The following GPC1 variants were observed in gnomAD, a reference collection of about 807,000 sequenced individuals.
GPC1 encodes the protein glypican-1.
In GPC1, 26 loss-of-function variants were observed where a neutral mutation model predicts 51.5. That is an observed-to-expected ratio of 0.50 (90% CI 0.37 to 0.70). The LOEUF (loss-of-function observed/expected upper bound fraction) is 0.70, where lower values mean the gene tolerates loss of function less well. Among genes scored for constraint, GPC1 ranks in the 30% least tolerant of loss-of-function variants. The probability of loss-of-function intolerance (pLI) is 0.00; values close to 1 mark genes in which losing one functional copy is unlikely to be tolerated. For synonymous variants in GPC1, 380 were observed against 348.3 expected (o/e 1.09, Z -1.01); for missense variants, 775 against 800.5 (o/e 0.97, Z 0.38).
chr2:240,437,387 C>T (rs567069215), intron 1 of GPC1, among the ~76,000 whole-genome samples: 8 of 151,752 alleles, frequency 5.3e-5, no homozygotes, highest in Middle Eastern at 3.2e-3. Context: ...TAAGGGCCCC[C>T]TGACCGCCCC....
At chr2:240,462,654 C>T in intron 3 of GPC1, 72 bp downstream of exon 3, 2 of 1,372,038 alleles carry the variant, frequency 1.5e-6, no homozygotes, top group Non-Finnish European at 2.0e-6. Context: ...ACTTCCTCTT[C>T]CCCCTACTTT....
At chr2:240,456,240 G>A (rs886513030) in intron 1 of GPC1, among the ~76,000 whole-genome samples, 63 of 152,138 alleles carry the variant, frequency 4.1e-4, no homozygotes, top group Non-Finnish European at 6.5e-4. Context: ...ACCTGCAGGT[G>A]GGGGGAGCTC....
At chr2:240,455,220 C>T (rs922664558) in intron 1 of GPC1, among the ~76,000 whole-genome samples, 2 of 152,146 alleles carry the variant, frequency 1.3e-5, no homozygotes, top group Admixed American at 1.3e-4. Flanking sequence ...ATGAATCTGC[C>T]ATTAAACAAA....
Position 240,465,625 on chromosome 2 carries a change from A to G in GPC1, c.1421A>G (p.Asn474Ser). The G allele has an allele frequency of 6.2e-7, 1 of 1,612,918 alleles. No individual in the cohort carries two copies. The highest frequency in any genetic ancestry group is 1.1e-5 in the South Asian group (1 of 91,086). ...CGGCTGCGCAGCGCCTACAACGGCA[A>G]CGACGTGGACTTCCAGGACGCCAGT... ...TNRLRSAYNG[N>S]DVDFQDASDD... The change falls in exon 8 of 9, where the codon AAC becomes AGC. Residue 474 changes from asparagine (N) to serine (S), a missense_variant. Physicochemically the swap from Asn to Ser is conservative, Grantham distance 46 (BLOSUM62 1). Coordinates refer to ENST00000264039, the MANE Select transcript of GPC1 (RefSeq NM_002081.3).
chr2:240,444,581 C>T (rs954098105), intron 1 of GPC1, among the ~76,000 whole-genome samples: 33 of 152,362 alleles, frequency 2.2e-4, no homozygotes, highest in African/African-American at 6.7e-4. Context: ...GGGGTGCTTC[C>T]TGGGTGCGCC....
At chr2:240,463,885 G>A (rs1373319255) in intron 4 of GPC1, 1 of 284,870 alleles carries the variant, frequency 3.5e-6, no homozygotes, top group African/African-American at 2.2e-5. Flanking sequence ...ATGCGAACTG[G>A]CGTGCTCACT....
intron 8 of GPC1, 75 bp downstream of exon 8, chr2:240,465,723 G>C (rs1266257807): frequency 5.4e-6 from 7 of 1,298,504 alleles, no homozygotes; most frequent in Admixed American, 1.9e-5. Flanking sequence ...ACTGCCCTCC[G>C]GGTTCCCCCA....
At position 240,438,820 on chromosome 2, in the gene GPC1, T is replaced by A. The variant is rs546533288; in HGVS notation, c.166+2736T>A. ...CCAGGCCAGGCTGCAGTGACAGCAG[T>A]GGTCATCCCATTTTATGGGCAAGGA... On this transcript the variant is annotated intron_variant, in intron 1 of 8. Transcript: ENST00000264039. Among the ~76,000 whole-genome samples, 240 of 152,304 alleles carry A rather than the reference T, an allele frequency of 1.6e-3. 2 individuals are homozygous for A. The highest frequency in any genetic ancestry group is 5.6e-3 in the African/African-American group (232 of 41,560).
chr2:240,446,253 G>A (rs1026719045), intron 1 of GPC1, among the ~76,000 whole-genome samples: 7 of 152,172 alleles, frequency 4.6e-5, no homozygotes, highest in East Asian at 1.9e-4. Flanking sequence ...TCTGCCTGCC[G>A]TGCGAGTGAG....
intron 1 of GPC1, chr2:240,456,853 GTCT>G (rs2074169482): frequency 3.2e-6 from 1 of 308,992 alleles, no homozygotes; most frequent in South Asian, 2.6e-5. Context: ...CTGTGTCCCA[GTCT>G]TCTTGCCTGA....
chr2:240,464,778 G>T (rs750655387), intron 5 of GPC1, 32 bp downstream of exon 5: 1 of 1,586,458 alleles, frequency 6.3e-7, no homozygotes, highest in East Asian at 2.3e-5. Context: ...GAGCACAGCG[G>T]GGTGGGGGTC....
intron 2 of GPC1, among the ~76,000 whole-genome samples, chr2:240,460,079 C>G (rs755466051): frequency 2.6e-5 from 4 of 152,074 alleles, no homozygotes; most frequent in Non-Finnish European, 5.9e-5. Flanking sequence ...TCTCCGGCTC[C>G]TGGACACCTG....
intron 1 of GPC1, among the ~76,000 whole-genome samples, chr2:240,440,922 C>G (rs1343295961): frequency 6.6e-6 from 1 of 152,252 alleles, no homozygotes; most frequent in East Asian, 1.9e-4. Context: ...GAGGGCTGTT[C>G]CCAGCGTGTG....
rs779509049 is a variant in GPC1 at position 240,466,336 on chromosome 2, A to G, written c.*46A>G. On this transcript the variant is annotated 3_prime_UTR_variant, in exon 9 of 9. Coordinates refer to ENST00000264039, the MANE Select transcript of GPC1 (RefSeq NM_002081.3). Reference sequence around the variant, plus strand: ...CAGAGGCCAAGGACTGACTTTGCCAAAAATACAACACAGACGATATTTAAT... The same window carrying G: ...CAGAGGCCAAGGACTGACTTTGCCAGAAATACAACACAGACGATATTTAAT... 4.7e-6 allele frequency: 5 copies of G among 1,052,644 alleles called. No homozygotes were observed. The highest frequency in any genetic ancestry group is 7.4e-6 in the Non-Finnish European group (5 of 678,636). The allele number at this position is 1,052,644 out of a possible 1,614,324, so 65.2% of individuals were successfully genotyped here. A position where few individuals can be genotyped will look rare whatever the true frequency, so the allele number is the denominator to read the frequency against.
intron 1 of GPC1, chr2:240,451,069 CGGGAAGTGGTTG>C (rs565569306): frequency 2.1e-6 from 1 of 465,566 alleles, no homozygotes; most frequent in South Asian, 1.6e-5. Context: ...GATGGCTTCT[CGGGAAGTGGTTG>C]GGTCGGAGGT....
chr2:240,455,963 T>G, intron 1 of GPC1: 1 of 415,858 alleles, frequency 2.4e-6, no homozygotes, highest in South Asian at 1.7e-5. Flanking sequence ...CTCCCAGGCC[T>G]TCGCCCGCCT....
At chr2:240,459,790 G>T (rs374714085) in intron 2 of GPC1, among the ~76,000 whole-genome samples, 1 of 152,182 alleles carries the variant, frequency 6.6e-6, no homozygotes, top group South Asian at 2.1e-4. Flanking sequence ...GCTGGGCCTC[G>T]CCTTGTGTCT....
At chr2:240,455,935 G>A (rs1174320134) in intron 1 of GPC1, 7 of 365,928 alleles carry the variant, frequency 1.9e-5, no homozygotes, top group South Asian at 9.6e-5. Flanking sequence ...GGGCCGCCTC[G>A]ATCCAGCCTG....
intron 1 of GPC1, among the ~76,000 whole-genome samples, chr2:240,439,501 G>C (rs553879818): frequency 6.6e-6 from 1 of 152,340 alleles, no homozygotes; most frequent in South Asian, 2.1e-4. Flanking sequence ...GCGGGCACCA[G>C]CGTGCCCTGG....
Sources: gnomAD v4.1 joint callset for allele counts (sites outside exome capture counted in the v4.1 genomes callset) on GRCh38, gnomAD v4.1.1 for gene constraint, MANE v1.5 for transcripts, NCBI Gene and HGNC (gene_info 2026-07-23, HGNC 2026-07-21) for gene names.